ZNF512: variants seen among roughly 807,000 people sequenced by gnomAD.
The protein encoded by ZNF512 is zinc finger protein 512.
ZNF512 carries 25 observed loss-of-function variants against 77.5 expected under a neutral mutation model. That is an observed-to-expected ratio of 0.32 (90% CI 0.23 to 0.45). The LOEUF is 0.45. ZNF512 is among the 20% of genes least tolerant of loss of function. The pLI, the probability that ZNF512 is intolerant of heterozygous loss-of-function variation, is 1.00. For missense variants in ZNF512, 483 were observed against 692.6 expected (o/e 0.70, Z 3.40); for synonymous variants, 246 against 239.9 (o/e 1.03, Z -0.24).
intron 2 of ZNF512, among the ~76,000 whole-genome samples, chr2:27,585,764 C>T (rs1671295514): frequency 6.6e-6 from 1 of 152,240 alleles, no homozygotes; most frequent in Admixed American, 6.5e-5. Context: ...TGTTTGTGAT[C>T]AGAAGCTGAG....
intron 2 of ZNF512, among the ~76,000 whole-genome samples, chr2:27,591,571 C>T (rs62138964): frequency 0.2 from 31,018 of 152,180 alleles, 3,381 homozygotes; most frequent in East Asian, 0.35. Flanking sequence ...CATGCTACCA[C>T]GCCCAGCTTT....
chr2:27,587,704 A>G (rs1026766136), intron 2 of ZNF512, among the ~76,000 whole-genome samples: 2 of 148,286 alleles, frequency 1.3e-5, no homozygotes, highest in African/African-American at 2.5e-5. Flanking sequence ...TTTTTGAGAC[A>G]GAGTTTCACT....
Position 27,615,267 on chromosome 2 carries a change from C to G in ZNF512, c.1231C>G (p.Gln411Glu). 1.3e-6 allele frequency: 2 copies of G among 1,577,514 alleles called. No individual in the cohort carries two copies. Among genetic ancestry groups the G allele is most frequent in the South Asian group, 1.2e-5 (1 of 84,974 alleles). Residue 411 changes from glutamine to glutamate, a missense_variant and splice_region_variant, in exon 11 of 14, where the codon CAG becomes GAG. Gln to Glu is a conservative substitution (Grantham distance 29, BLOSUM62 2). This residue lies in a region of ZNF512 where 324 missense variants were observed against 525.0 expected (regional missense o/e 0.62). Transcript: ENST00000355467. ...ATATCATCGTATTCAGTGTCCTAACCAGGTGGTTCTTTCTCATTCATTTAT... is the reference window on the plus strand; with the variant it reads ...ATATCATCGTATTCAGTGTCCTAACGAGGTGGTTCTTTCTCATTCATTTAT... ...KKYHRIQCPNQGCEAVYSSVS... is the reference protein window; with the variant it reads ...KKYHRIQCPNEGCEAVYSSVS...
intron 1 of ZNF512, 126 bp from the exon 2 acceptor site, chr2:27,583,532 G>T: frequency 6.6e-7 from 1 of 1,519,406 alleles, no homozygotes. Context: ...AAAAGGTGTT[G>T]CCTTCTTGTG....
Position 27,621,583 on chromosome 2 carries a change from T to G in ZNF512, c.*122T>G. 3 of 1,022,650 alleles carry G rather than the reference T, an allele frequency of 2.9e-6. No individual in the cohort carries two copies. The highest frequency in any genetic ancestry group is 4.1e-6 in the Non-Finnish European group (3 of 724,978). 63.3% of individuals were successfully genotyped at this position (1,022,650 alleles called of 1,614,324 possible). A position where few individuals can be genotyped will look rare whatever the true frequency, so the allele number is the denominator to read the frequency against. On this transcript the variant is annotated 3_prime_UTR_variant, in exon 14 of 14. Coordinates refer to ENST00000355467, the MANE Select transcript of ZNF512 (RefSeq NM_032434.4). ...TGTGTAAGGCTGTGACTTTCTCAGC[T>G]CCTTCCTCCTGTGTAAATTTCACTG...
rs534188791 is a variant in ZNF512 at position 27,602,997 on chromosome 2, G to A, written c.769-143G>A. The A allele has an allele frequency of 3.4e-6, 3 of 892,622 alleles. No homozygotes were observed. In the South Asian group the frequency reaches 4.8e-5, roughly 14 times the overall value. The allele number at this position is 892,622 out of a possible 1,614,324, so 55.3% of individuals were successfully genotyped here. On this transcript the variant is annotated intron_variant, in intron 8 of 13. Coordinates refer to ENST00000355467, the MANE Select transcript of ZNF512 (RefSeq NM_032434.4). ...GCCAGAGACAAGGAAGGGTTGTGCT[G>A]ATGGGAGATGTTGGAGAGGGTCTAC...
chr2:27,610,569 T>TATACATA (rs70953871), intron 10 of ZNF512, among the ~76,000 whole-genome samples: 2 of 15,812 alleles, frequency 1.3e-4, no homozygotes, highest in African/African-American at 5.2e-4. Flanking sequence ...TATATATATA[T>TATACATA]TTTTTTTTTT....
chr2:27,583,510 CA>C (rs1258947920), intron 1 of ZNF512, 147 bp from the exon 2 acceptor site: 1 of 1,502,226 alleles, frequency 6.7e-7, no homozygotes, highest in Non-Finnish European at 8.8e-7. Flanking sequence ...GATAGGACAG[CA>C]TATTTTTCCT....
chr2:27,596,531 G>T (rs1671878863), intron 2 of ZNF512, among the ~76,000 whole-genome samples: 1 of 152,226 alleles, frequency 6.6e-6, no homozygotes, highest in Admixed American at 6.5e-5. Context: ...TGCTCTGCAA[G>T]TGGGGTTCAT....
intron 2 of ZNF512, among the ~76,000 whole-genome samples, chr2:27,596,390 T>TC (rs1671872158): frequency 6.6e-6 from 1 of 152,194 alleles, no homozygotes; most frequent in South Asian, 2.1e-4. Flanking sequence ...ATTAAGAGAT[T>TC]CTTTTTTTTG....
chr2:27,587,409 T>G (rs973822171), intron 2 of ZNF512, among the ~76,000 whole-genome samples: 1 of 151,824 alleles, frequency 6.6e-6, no homozygotes, highest in African/African-American at 2.4e-5. Flanking sequence ...CCTGAGTAGC[T>G]GGGATTACCG....
chr2:27,611,427 T>A (rs542511085), intron 10 of ZNF512, among the ~76,000 whole-genome samples: 14 of 152,296 alleles, frequency 9.2e-5, no homozygotes, highest in African/African-American at 2.9e-4. Context: ...CTCTCAGTGG[T>A]ATTCTTGGCA....
At chr2:27,586,385 GT>G (rs1399007833) in intron 2 of ZNF512, among the ~76,000 whole-genome samples, 1 of 152,062 alleles carries the variant, frequency 6.6e-6, no homozygotes, top group East Asian at 1.9e-4. Flanking sequence ...GCACACCGCT[GT>G]GCCCTGCTAA....
chr2:27,608,910 A>G (rs1043670841), intron 10 of ZNF512, among the ~76,000 whole-genome samples: 4 of 151,996 alleles, frequency 2.6e-5, no homozygotes, highest in African/African-American at 9.7e-5. Flanking sequence ...AGAGATCGAG[A>G]CCATCCTGGC....
rs78725067 is a variant in ZNF512 at position 27,596,744 on chromosome 2, T to C, written c.90-1323T>C. On this transcript the variant is annotated intron_variant, in intron 2 of 13. Transcript: ENST00000355467. ...ACTTCTGTGTATTAAATTTGTGTTA[T>C]TGGACCTCATGTGTGGAGAGCCGAA... 7.2e-3 allele frequency among the ~76,000 whole-genome samples: 1,104 copies of C among 152,356 alleles called. 11 individuals carry two copies. Among genetic ancestry groups the C allele is most frequent in the African/African-American group, 0.025 (1,039 of 41,586 alleles).
chr2:27,610,536 ATGTG>A (rs1173871560), intron 10 of ZNF512, among the ~76,000 whole-genome samples: 7 of 65,130 alleles, frequency 1.1e-4, no homozygotes, highest in African/African-American at 5.6e-4. Flanking sequence ...GTGTATATAT[ATGTG>A]TGTGTATATA....
chr2:27,609,067 C>T (rs922256662), intron 10 of ZNF512, among the ~76,000 whole-genome samples: 2 of 151,026 alleles, frequency 1.3e-5, no homozygotes, highest in African/African-American at 2.4e-5. Flanking sequence ...CAAGATTGGA[C>T]CACTGCACTC....
At chr2:27,616,634 T>C (rs1319073242) in intron 12 of ZNF512, among the ~76,000 whole-genome samples, 1 of 152,226 alleles carries the variant, frequency 6.6e-6, no homozygotes, top group Admixed American at 6.5e-5. Flanking sequence ...GAGCATCTCC[T>C]ACACTGGGCC....
Position 27,622,030 on chromosome 2 carries a change from C to T in ZNF512, c.*569C>T, listed in dbSNP as rs143311014. On this transcript the variant is annotated 3_prime_UTR_variant, in exon 14 of 14. Coordinates refer to ENST00000355467, the MANE Select transcript of ZNF512 (RefSeq NM_032434.4). ...GGTTTTAAGATTGAAAGTAAGAAAA[C>T]GGATTTAGGATGAAAACTCTAGAAC... The T allele has an allele frequency of 2.0e-4, 31 of 154,824 alleles. No individual in the cohort carries two copies. In the East Asian group the frequency reaches 2.6e-3, roughly 13 times the overall value. The allele number at this position is 154,824 out of a possible 1,614,324, so 9.6% of individuals were successfully genotyped here.
Sources: gnomAD v4.1 joint callset for allele counts (sites outside exome capture counted in the v4.1 genomes callset) on GRCh38, gnomAD v4.1.1 for gene constraint, gnomAD v4.1.1 regional missense constraint, MANE v1.5 for transcripts, NCBI Gene and HGNC (gene_info 2026-07-23, HGNC 2026-07-21) for gene names.